Variants in KMT2A observed in about 807,000 individuals in gnomAD.
The protein encoded by KMT2A is histone-lysine N-methyltransferase 2A.
Under a neutral mutation model 345.3 loss-of-function variants are expected in KMT2A, and 16 were observed. The observed-to-expected ratio is 0.05, with a 90% CI of 0.03 to 0.07. KMT2A has a LOEUF of 0.07. Among genes scored for constraint, KMT2A ranks in the 10% least tolerant of loss-of-function variants. KMT2A has a pLI of 1.00. For synonymous variants in KMT2A, 1,599 were observed against 1,778.6 expected (o/e 0.90, Z 2.54); for missense variants, 3,272 against 4,841.6 (o/e 0.68, Z 9.62).
chr11:118,508,330 G>C (rs973731567), intron 28 of KMT2A, among the ~76,000 whole-genome samples: 2 of 152,154 alleles, frequency 1.3e-5, no homozygotes, highest in Non-Finnish European at 2.9e-5. Context: ...ATGTAGGTGT[G>C]CTTCACTTTT....
rs1555138807 is a variant in KMT2A at position 118,436,913 on chromosome 11, G to C, written c.401G>C (p.Gly134Ala). 1 of 1,568,266 alleles carries C rather than the reference G, an allele frequency of 6.4e-7. No homozygotes were observed. The highest frequency in any genetic ancestry group is 8.7e-7 in the Non-Finnish European group (1 of 1,154,946). The change falls in exon 1 of 36, where the codon GGG (glycine) becomes GCG (alanine). Residue 134 changes from glycine to alanine, a missense_variant. Gly to Ala is a moderately conservative substitution (Grantham distance 60). This residue lies in a region of KMT2A where 412 missense variants were observed against 511.0 expected (regional missense o/e 0.81). Coordinates refer to ENST00000534358, the MANE Select transcript of KMT2A (RefSeq NM_001197104.2). The surrounding 1 kb of genome is among the most constrained non-coding windows in gnomAD (Gnocchi z 6.9). Reference protein sequence around the residue: ...TNLRRFRAVFGESGGGGGSGE... With the variant: ...TNLRRFRAVFAESGGGGGSGE... ...CTGCGCCGGTTCCGGGCCGTGTTTG[G>C]GGAGAGCGGCGGGGGAGGCGGCAGC...
Position 118,502,580 on chromosome 11 carries a change from G to A in KMT2A, c.6688G>A (p.Val2230Ile), listed in dbSNP as rs1555046094. The change falls in exon 27 of 36, where the codon GTC (valine) becomes ATC (isoleucine). Residue 2230 changes from valine (V) to isoleucine (I), a missense_variant. Around this residue, in one of 27 missense-constraint regions of KMT2A, gnomAD observed 445 missense variants for 500.9 expected, o/e 0.89. Transcript: ENST00000534358. This position sits in a 1 kb window ranked among gnomAD's most constrained non-coding sequence, Gnocchi z 4.9. ...TTACTCTAGGAATAATGTTTCCTCA[G>A]TCTCCACCACCGGGACCGCTACTGA... ...NTYSRNNVSS[V>I]STTGTATDLE... The A allele has an allele frequency of 1.2e-6, 2 of 1,614,090 alleles. No homozygotes were observed. The highest frequency in any genetic ancestry group is 3.3e-5 in the Admixed American group (2 of 60,012).
At position 118,472,122 on chromosome 11, in the gene KMT2A, T is replaced by A. The variant is rs782732033; in HGVS notation, c.963T>A (p.Asn321Lys). The change falls in exon 3 of 36, where the codon AAT becomes AAA. Residue 321 changes from asparagine to lysine, a missense_variant. This residue lies in a region of KMT2A where 412 missense variants were observed against 511.0 expected (regional missense o/e 0.81). Coordinates refer to ENST00000534358, the MANE Select transcript of KMT2A (RefSeq NM_001197104.2). The part of the protein sequence containing the change: ...RIKTPSGLLI[N>K]SELEKPQKVR... ...AGACCCCTTCGGGTCTCCTCATTAATTCTGAACTGGAAAAGCCCCAGAAAG... is the reference window on the plus strand; with the variant it reads ...AGACCCCTTCGGGTCTCCTCATTAAATCTGAACTGGAAAAGCCCCAGAAAG... 4.3e-6 allele frequency: 7 copies of A among 1,613,974 alleles called. No homozygotes were observed. The highest frequency in any genetic ancestry group is 1.7e-5 in the Admixed American group (1 of 60,008).
In KMT2A at chr11:118,503,725, G is replaced by A. The variant is rs781911547; in HGVS notation, c.7833G>A (p.Glu2611=). Residue 2611 remains glutamate (E), a synonymous_variant, in exon 27 of 36, where the codon GAG becomes GAA. Coordinates refer to ENST00000534358, the MANE Select transcript of KMT2A (RefSeq NM_001197104.2). The surrounding 1 kb of genome is among the most constrained non-coding windows in gnomAD (Gnocchi z 5.3). The stretch of plus-strand genomic sequence containing the variant: ...TTCCAGATGGCCCCAAACCTCAGGA[G>A]GATGGCTCTTTTAAAAGGAGGTATC... ...LMLPDGPKPQ[E]DGSFKRRYPR... is the part of the protein sequence containing the mutation. The A allele has an allele frequency of 1.2e-6, 2 of 1,614,176 alleles. No individual in the cohort carries two copies. The highest frequency in any genetic ancestry group is 1.1e-5 in the South Asian group (1 of 91,080).
Position 118,525,018 on chromosome 11 carries a change from C to T in KMT2A, c.*2846C>T, listed in dbSNP as rs117692849. Reference sequence around the variant, plus strand: ...ATGAGAAATTCCTCTTCTAGCTCAGCCTTGAGTCCATTGCCAAATTTTCAG... The same window carrying T: ...ATGAGAAATTCCTCTTCTAGCTCAGTCTTGAGTCCATTGCCAAATTTTCAG... On this transcript the variant is annotated 3_prime_UTR_variant, in exon 36 of 36. Transcript: ENST00000534358. The T allele has an allele frequency of 5.8e-3, 1,236 of 213,862 alleles. 6 individuals carry two copies. The highest frequency in any genetic ancestry group is 9.8e-3 in the Non-Finnish European group (1,038 of 105,484). The allele number at this position is 213,862 out of a possible 1,614,324, so 13.2% of individuals were successfully genotyped here.
chr11:118,483,871 A>AAAATT (rs1442973793), intron 8 of KMT2A, among the ~76,000 whole-genome samples: 1 of 152,116 alleles, frequency 6.6e-6, no homozygotes, highest in African/African-American at 2.4e-5. Context: ...GTTGCTATAA[A>AAAATT]AAATTTAAAA....
At chr11:118,480,839 AT>A (rs1290870114) in intron 6 of KMT2A, among the ~76,000 whole-genome samples, 2 of 151,330 alleles carry the variant, frequency 1.3e-5, no homozygotes, top group Admixed American at 1.3e-4. Flanking sequence ...ATTTTTGTAA[AT>A]TTTTTTTGCA....
In KMT2A at chr11:118,519,605, C is replaced by G. The variant is rs2135281241; in HGVS notation, c.11147-13C>G. On this transcript the variant is annotated splice_polypyrimidine_tract_variant and intron_variant, in intron 31 of 35. Coordinates refer to ENST00000534358, the MANE Select transcript of KMT2A (RefSeq NM_001197104.2). ...TGCGCTCCTCACTTCCCTGGTGCTT[C>G]TGATTCTTCTAGGTGTTAACGGTTT... 1 of 1,604,890 alleles carries G rather than the reference C, an allele frequency of 6.2e-7. No individual in the cohort carries two copies. Among genetic ancestry groups the G allele is most frequent in the Non-Finnish European group, 8.5e-7 (1 of 1,172,010 alleles).
rs182313996 is a variant in KMT2A, at chr11:118,510,380, C to T, written c.11071+262C>T. 5.9e-5 allele frequency among the ~76,000 whole-genome samples: 9 copies of T among 152,286 alleles called. No homozygotes were observed. In the East Asian group the frequency reaches 1.7e-3, roughly 29 times the overall value. ...GGAGCCCCTGAGAACTCTGCTTCCCCCTCCAGCCTTGTTTTTTGCCATTCC... is the reference window on the plus strand; with the variant it reads ...GGAGCCCCTGAGAACTCTGCTTCCCTCTCCAGCCTTGTTTTTTGCCATTCC... On this transcript the variant is annotated intron_variant, in intron 30 of 35. Transcript: ENST00000534358. This position sits in a 1 kb window ranked among gnomAD's most constrained non-coding sequence, Gnocchi z 4.1.
At position 118,472,904 on chromosome 11, in the gene KMT2A, C is replaced by A. The variant is rs2134264034; in HGVS notation, c.1745C>A (p.Thr582Lys). ...CCAGCCTCCAGTATCTCTGACCACA[C>A]ACCTTGGCTTATGCCTCCAACAATC... ...LQPASSISDH[T>K]PWLMPPTIPL... The change falls in exon 3 of 36, where the codon ACA (threonine) becomes AAA (lysine). Residue 582 changes from threonine (T) to lysine (K), a missense_variant. Physicochemically the swap from Thr to Lys is moderately conservative, Grantham distance 78 (BLOSUM62 -1). Coordinates refer to ENST00000534358, the MANE Select transcript of KMT2A (RefSeq NM_001197104.2). The A allele has an allele frequency of 6.2e-7, 1 of 1,614,092 alleles. No homozygotes were observed.
chr11:118,512,135 C>G, intron 31 of KMT2A, 110 bp downstream of exon 31: 1 of 892,040 alleles, frequency 1.1e-6, no homozygotes, highest in African/African-American at 1.7e-5. Flanking sequence ...ATTTTTTTCA[C>G]AGCTTTATTG....
chr11:118,499,430 A>C lies in KMT2A; in HGVS notation c.6079+10A>C. On this transcript the variant is annotated intron_variant, in intron 23 of 35. Transcript: ENST00000534358. ...ATCCACATGATGATTGGTATGACCTAGCCTTGGTTATTGGGGAAGGCTGTA... is the reference window on the plus strand; with the variant it reads ...ATCCACATGATGATTGGTATGACCTCGCCTTGGTTATTGGGGAAGGCTGTA... 1 of 1,496,424 alleles carries C rather than the reference A, an allele frequency of 6.7e-7. No homozygotes were observed. The highest frequency in any genetic ancestry group is 9.3e-7 in the Non-Finnish European group (1 of 1,080,132). 92.7% of individuals were successfully genotyped at this position (1,496,424 alleles called of 1,614,324 possible).
chr11:118,504,970 T>C lies in KMT2A; in HGVS notation c.9078T>C (p.Thr3026=), dbSNP rs925255652. 1.2e-6 allele frequency: 2 copies of C among 1,614,172 alleles called. No individual in the cohort carries two copies. The highest frequency in any genetic ancestry group is 1.6e-4 in the Middle Eastern group (1 of 6,062). Residue 3026 remains threonine (T), a synonymous_variant, in exon 27 of 36, where the codon ACT becomes ACC. Coordinates refer to ENST00000534358, the MANE Select transcript of KMT2A (RefSeq NM_001197104.2). This position sits in a 1 kb window ranked among gnomAD's most constrained non-coding sequence, Gnocchi z 6.4. The part of the protein sequence containing the change: ...EQGHGNNQDL[T]RNSSTPGLQV... ...GTCATGGCAACAATCAGGATTTAAC[T>C]AGGAACAGTAGCACCCCTGGCCTTC...
intron 1 of KMT2A, among the ~76,000 whole-genome samples, chr11:118,459,597 C>T (rs1450176739): frequency 1.3e-5 from 2 of 152,080 alleles, no homozygotes; most frequent in Non-Finnish European, 2.9e-5. Context: ...AGCTCTGGAG[C>T]CTCCATCTTA....
chr11:118,514,494 G>A (rs372694407), intron 31 of KMT2A, among the ~76,000 whole-genome samples: 1 of 151,574 alleles, frequency 6.6e-6, no homozygotes, highest in Admixed American at 6.6e-5. Context: ...AGGCTGGAGT[G>A]CAGTGGCGTG....
intron 1 of KMT2A, among the ~76,000 whole-genome samples, chr11:118,446,785 G>A (rs1362517735): frequency 1.3e-5 from 2 of 152,182 alleles, no homozygotes; most frequent in African/African-American, 4.8e-5. Flanking sequence ...ACAGATCAGA[G>A]TATGTCACTT....
rs1555042495 is a variant in KMT2A at position 118,491,691 on chromosome 11, C to T, written c.4820-53C>T. 4.4e-6 allele frequency: 6 copies of T among 1,371,602 alleles called. No individual in the cohort carries two copies. Among genetic ancestry groups the T allele is most frequent in the Non-Finnish European group, 6.0e-6 (6 of 996,652 alleles). 85.0% of individuals were successfully genotyped at this position (1,371,602 alleles called of 1,614,324 possible). A position where few individuals can be genotyped will look rare whatever the true frequency, so the allele number is the denominator to read the frequency against. The stretch of plus-strand genomic sequence containing the variant: ...TTCAGTGGAATAGTTTCCTCTTCTT[C>T]CTCTCTCTCATTCTTCAGAGGACCT... On this transcript the variant is annotated intron_variant, in intron 14 of 35. Coordinates refer to ENST00000534358, the MANE Select transcript of KMT2A (RefSeq NM_001197104.2). The surrounding 1 kb of genome is among the most constrained non-coding windows in gnomAD (Gnocchi z 4.2).
chr11:118,490,068 T>C lies in KMT2A; in HGVS notation c.4576-61T>C, dbSNP rs1461723696. Reference sequence around the variant, plus strand: ...TAAATGGATGCATTTAAGATCTTTTTAGTTAAGTAAAGATATTAAAAACAA... The same window carrying C: ...TAAATGGATGCATTTAAGATCTTTTCAGTTAAGTAAAGATATTAAAAACAA... On this transcript the variant is annotated intron_variant, in intron 12 of 35. Coordinates refer to ENST00000534358, the MANE Select transcript of KMT2A (RefSeq NM_001197104.2). The surrounding 1 kb of genome is among the most constrained non-coding windows in gnomAD (Gnocchi z 4.2). 6.5e-7 allele frequency: 1 copy of C among 1,529,976 alleles called. No individual in the cohort carries two copies. The highest frequency in any genetic ancestry group is 8.9e-7 in the Non-Finnish European group (1 of 1,128,740). The allele number at this position is 1,529,976 out of a possible 1,614,324, so 94.8% of individuals were successfully genotyped here.
At position 118,495,025 on chromosome 11, in the gene KMT2A, C is replaced by T. The variant is rs781807340; in HGVS notation, c.5363+258C>T. On this transcript the variant is annotated intron_variant, in intron 18 of 35. Coordinates refer to ENST00000534358, the MANE Select transcript of KMT2A (RefSeq NM_001197104.2). The surrounding 1 kb of genome is among the most constrained non-coding windows in gnomAD (Gnocchi z 4.1). Reference sequence around the variant, plus strand: ...ATGTACAATACATGTGTGGTACAGCCATGTAGCTGGCCTTGTTATAAATGG... The same window carrying T: ...ATGTACAATACATGTGTGGTACAGCTATGTAGCTGGCCTTGTTATAAATGG... Among the ~76,000 whole-genome samples the T allele has an allele frequency of 2.0e-5, 3 of 152,146 alleles. No individual in the cohort carries two copies. Among genetic ancestry groups the T allele is most frequent in the Non-Finnish European group, 4.4e-5 (3 of 68,028 alleles).
Sources: allele counts gnomAD v4.1 joint callset (sites outside exome capture counted in the v4.1 genomes callset), GRCh38; gene constraint gnomAD v4.1.1; regional missense constraint gnomAD v4.1.1; non-coding constraint Gnocchi (gnomAD v3.1); transcripts MANE v1.5; gene names NCBI Gene and HGNC (gene_info 2026-07-23, HGNC 2026-07-21).